Variants in FSD1L observed in about 807,000 individuals in gnomAD.
FSD1L encodes the protein fibronectin type III and SPRY domain containing 1 like, also known as FSD1-like protein.
Under a neutral mutation model 71.6 loss-of-function variants are expected in FSD1L, and 45 were observed. The observed-to-expected ratio is 0.63, with a 90% CI of 0.49 to 0.81. The LOEUF is 0.81. Ranked by LOEUF, FSD1L falls within the 30% of genes least tolerant of loss-of-function variation. The pLI is 0.00. For missense variants in FSD1L, 561 were observed against 618.1 expected (o/e 0.91, Z 0.98); for synonymous variants, 197 against 207.2 (o/e 0.95, Z 0.42).
chr9:105,445,152 G>A (rs966897720), upstream of FSD1L, among the ~76,000 whole-genome samples: 10 of 152,206 alleles, frequency 6.6e-5, no homozygotes, highest in African/African-American at 9.7e-5. Flanking sequence ...AGCTCGGTAC[G>A]TGGCTGTGAT....
chr9:105,537,810 G>T (rs553244451), intron 12 of FSD1L, among the ~76,000 whole-genome samples: 4 of 152,140 alleles, frequency 2.6e-5, no homozygotes, highest in Non-Finnish European at 5.9e-5. Flanking sequence ...TAGCTATTAA[G>T]CCCTTATTGC....
At chr9:105,538,287 C>T (rs767937607) in intron 12 of FSD1L, among the ~76,000 whole-genome samples, 3 of 152,152 alleles carry the variant, frequency 2.0e-5, no homozygotes, top group Admixed American at 6.5e-5. Context: ...GATCAAAGTA[C>T]TGGGTACTTT....
chr9:105,474,343 CGTA>C (rs1469125274), intron 5 of FSD1L, among the ~76,000 whole-genome samples: 3 of 152,174 alleles, frequency 2.0e-5, no homozygotes, highest in Non-Finnish European at 2.9e-5. Context: ...TTGACTGAAA[CGTA>C]GTTATGTGGC....
intron 7 of FSD1L, among the ~76,000 whole-genome samples, chr9:105,490,412 G>A (rs1291888283): frequency 6.6e-6 from 1 of 152,174 alleles, no homozygotes; most frequent in Non-Finnish European, 1.5e-5. Flanking sequence ...CCTGCCCTTT[G>A]TCAGATGAGT....
At chr9:105,526,456 A>C (rs1835517372) in intron 10 of FSD1L, 1 of 1,612,654 alleles carries the variant, frequency 6.2e-7, no homozygotes, top group South Asian at 1.1e-5. Context: ...TGGCCTCTCC[A>C]ATGTCTCCTC....
rs554268833 is a variant in FSD1L, at chr9:105,551,917, C to A, written c.*5434C>A. On this transcript the variant is annotated 3_prime_UTR_variant, in exon 14 of 14. Transcript: ENST00000481272. ...CAAATGGCTGGGCAGCTTGTTGTCA[C>A]GGATAAATGATATAAAATGTAACCA... is the stretch of plus-strand genomic sequence containing the variant. 6.6e-6 allele frequency: 1 copy of A among 152,124 alleles called. No individual in the cohort carries two copies. The highest frequency in any genetic ancestry group is 1.5e-5 in the Non-Finnish European group (1 of 68,020). 9.4% of individuals were successfully genotyped at this position (152,124 alleles called of 1,614,324 possible). A position where few individuals can be genotyped will look rare whatever the true frequency, so the allele number is the denominator to read the frequency against.
chr9:105,546,258 TG>T, intron 13 of FSD1L, 99 bp from the exon 14 acceptor site: 1 of 996,298 alleles, frequency 1.0e-6, no homozygotes, highest in Non-Finnish European at 1.4e-6. Flanking sequence ...GAATGATTGA[TG>T]TTCATATGTG....
At chr9:105,521,600 G>C in intron 10 of FSD1L, 5 of 1,613,232 alleles carry the variant, frequency 3.1e-6, no homozygotes. Flanking sequence ...CTTTGTTCAT[G>C]CAAGAGCCTG....
chr9:105,525,795 A>G, intron 10 of FSD1L: 3 of 1,607,940 alleles, frequency 1.9e-6, no homozygotes, highest in Non-Finnish European at 2.6e-6. Context: ...TAAATCTTAC[A>G]AACCATTGTG....
upstream of FSD1L, among the ~76,000 whole-genome samples, chr9:105,446,874 C>CT (rs141861026): frequency 0.013 from 1,939 of 152,124 alleles, 43 homozygotes; most frequent in African/African-American, 0.045. Context: ...TCTAATTGAA[C>CT]TTTTGTGAGC....
chr9:105,456,959 G>A (rs772681610), intron 1 of FSD1L, among the ~76,000 whole-genome samples: 3 of 152,074 alleles, frequency 2.0e-5, no homozygotes, highest in Admixed American at 6.5e-5. Flanking sequence ...GTAAGGTAAC[G>A]GGAGGCTTGA....
Position 105,538,801 on chromosome 9 carries a change from A to T in FSD1L, c.1379-462A>T, listed in dbSNP as rs1836428995. ...AAAAATTAACAAAATTGAAGCAGTG[A>T]TAGATATATTGTGATTTTAGAGACT... On this transcript the variant is annotated intron_variant, in intron 12 of 13. Transcript: ENST00000481272. Among the ~76,000 whole-genome samples, 5 of 152,262 alleles carry T rather than the reference A, an allele frequency of 3.3e-5. 1 individual carries two copies. In the South Asian group the frequency reaches 1.0e-3, roughly 32 times the overall value.
At chr9:105,491,585 A>C (rs896445329) in intron 7 of FSD1L, among the ~76,000 whole-genome samples, 45 of 152,226 alleles carry the variant, frequency 3.0e-4, no homozygotes, top group Non-Finnish European at 5.4e-4. Context: ...CCAGTTTTCA[A>C]AGGGAATGCT....
At chr9:105,466,648 G>A (rs988000128) in intron 3 of FSD1L, among the ~76,000 whole-genome samples, 6 of 151,242 alleles carry the variant, frequency 4.0e-5, no homozygotes, top group Non-Finnish European at 7.4e-5. Flanking sequence ...AGCCGAGATC[G>A]CACTACTGCA....
chr9:105,519,157 A>G (rs1179683614), intron 10 of FSD1L, among the ~76,000 whole-genome samples: 1 of 152,242 alleles, frequency 6.6e-6, no homozygotes, highest in Admixed American at 6.5e-5. Flanking sequence ...TTGAGGCAGT[A>G]ATTAATAGCC....
chr9:105,481,176 T>TGTGTGTGGGG, intron 6 of FSD1L, among the ~76,000 whole-genome samples: 1 of 123,196 alleles, frequency 8.1e-6, no homozygotes, highest in Non-Finnish European at 1.8e-5. Flanking sequence ...TGTGTGTGTG[T>TGTGTGTGGGG]GTGGTTCTTT....
intron 7 of FSD1L, among the ~76,000 whole-genome samples, chr9:105,497,519 T>C (rs867189297): frequency 1.3e-5 from 2 of 152,202 alleles, no homozygotes; most frequent in African/African-American, 4.8e-5. Context: ...GGAAAGTTAT[T>C]AGTATCGATT....
Position 105,508,745 on chromosome 9 carries a change from A to C in FSD1L, c.895+30A>C, listed in dbSNP as rs770731988. 17 of 1,299,602 alleles carry C rather than the reference A, an allele frequency of 1.3e-5. No individual in the cohort carries two copies. The South Asian group carries it at 2.3e-4, about 18-fold the overall frequency. The allele number at this position is 1,299,602 out of a possible 1,614,324, so 80.5% of individuals were successfully genotyped here. On this transcript the variant is annotated intron_variant, in intron 9 of 13. Transcript: ENST00000481272. ...GATCAGTAGCTCTTTATACAGCATA[A>C]AACAAAGCTTAACATCTGAAGTTAT...
chr9:105,468,208 A>G lies in FSD1L; in HGVS notation c.223A>G (p.Ile75Val). 1.4e-6 allele frequency: 2 copies of G among 1,413,380 alleles called. No individual in the cohort carries two copies. Among genetic ancestry groups the G allele is most frequent in the East Asian group, 3.0e-5 (1 of 33,072 alleles). 87.6% of individuals were successfully genotyped at this position (1,413,380 alleles called of 1,614,324 possible). A position where few individuals can be genotyped will look rare whatever the true frequency, so the allele number is the denominator to read the frequency against. The change falls in exon 4 of 14, where the codon ATA becomes GTA. Residue 75 changes from isoleucine to valine, a missense_variant. This residue lies in a region of FSD1L where 410 missense variants were observed against 413.5 expected (regional missense o/e 0.99). Transcript: ENST00000481272. ...LKGVQENSSN[I>V]LSELDEEFDS... ...TTTTAAACAGGAAAATTCGTCCAAC[A>G]TACTCTCAGAGTTAGATGAAGAATT...
Sources: allele counts gnomAD v4.1 joint callset (sites outside exome capture counted in the v4.1 genomes callset), GRCh38; gene constraint gnomAD v4.1.1; regional missense constraint gnomAD v4.1.1; transcripts MANE v1.5; gene names NCBI Gene and HGNC (gene_info 2026-07-23, HGNC 2026-07-21).